TSNARE1: variants seen among roughly 807,000 people sequenced by gnomAD.
The protein encoded by TSNARE1 is t-SNARE domain containing 1, also known as t-SNARE domain-containing protein 1.
Under a neutral mutation model 62.0 loss-of-function variants are expected in TSNARE1, and 49 were observed. The observed-to-expected ratio is 0.79, with a 90% CI of 0.63 to 1.00. The LOEUF is 1.00. Ranked by LOEUF, TSNARE1 falls within the 50% of genes least tolerant of loss-of-function variation. The probability of loss-of-function intolerance (pLI) is 0.00; values close to 1 mark genes in which losing one functional copy is unlikely to be tolerated. For missense variants in TSNARE1, 755 were observed against 700.1 expected (o/e 1.08, Z -0.88); for synonymous variants, 328 against 294.4 (o/e 1.11, Z -1.17).
chr8:142,298,529 G>A (rs1441670152), intron 10 of TSNARE1, among the ~76,000 whole-genome samples: 2 of 152,284 alleles, frequency 1.3e-5, no homozygotes, highest in African/African-American at 4.8e-5. Context: ...TGCCACAGAT[G>A]CTGCTGAGTG....
chr8:142,290,623 G>A (rs1452287682), intron 10 of TSNARE1, among the ~76,000 whole-genome samples: 2 of 152,160 alleles, frequency 1.3e-5, no homozygotes, highest in Non-Finnish European at 2.9e-5. Context: ...CTACAAAGAC[G>A]ACTATTCCAG....
At chr8:142,222,676 CCACTCATCCACTCACT>C (rs778107623) in intron 13 of TSNARE1, among the ~76,000 whole-genome samples, 1,267 of 80,272 alleles carry the variant, frequency 0.016, 74 homozygotes, top group African/African-American at 0.047. Context: ...ACTCACTCAT[CCACTCATCCACTCACT>C]CACTCATCCA....
chr8:142,299,564 G>C (rs998158399), intron 10 of TSNARE1, among the ~76,000 whole-genome samples: 1 of 152,220 alleles, frequency 6.6e-6, no homozygotes, highest in Non-Finnish European at 1.5e-5. Flanking sequence ...TGTGTTCTAT[G>C]TACACTCAGG....
chr8:142,317,741 T>C (rs1828806067), intron 7 of TSNARE1, among the ~76,000 whole-genome samples: 1 of 152,114 alleles, frequency 6.6e-6, no homozygotes, highest in Non-Finnish European at 1.5e-5. Context: ...GAGGATCACT[T>C]GAGGCCGGGA....
chr8:142,238,463 T>C (rs1453335340), intron 12 of TSNARE1, among the ~76,000 whole-genome samples: 1 of 152,056 alleles, frequency 6.6e-6, no homozygotes, highest in Non-Finnish European at 1.5e-5. Flanking sequence ...GGGAGACACA[T>C]TCGACAGACA....
intron 12 of TSNARE1, among the ~76,000 whole-genome samples, chr8:142,234,998 G>A (rs1817334226): frequency 6.6e-6 from 1 of 152,112 alleles, no homozygotes; most frequent in Non-Finnish European, 1.5e-5. Context: ...AGTGCCCCCA[G>A]CAAAAGAATG....
At chr8:142,227,038 C>T (rs1313134726) in intron 13 of TSNARE1, among the ~76,000 whole-genome samples, 1 of 134,824 alleles carries the variant, frequency 7.4e-6, no homozygotes, top group Non-Finnish European at 1.6e-5. Flanking sequence ...TGCACCCACA[C>T]AGCAGTGACA....
At chr8:142,223,090 TCATC>T (rs1308101334) in intron 13 of TSNARE1, among the ~76,000 whole-genome samples, 5 of 145,508 alleles carry the variant, frequency 3.4e-5, no homozygotes, top group East Asian at 4.4e-4. Flanking sequence ...ATTCACTCAT[TCATC>T]CACTCATTCA....
intron 2 of TSNARE1, among the ~76,000 whole-genome samples, chr8:142,347,685 G>A (rs1473282586): frequency 6.7e-6 from 1 of 148,340 alleles, no homozygotes; most frequent in Non-Finnish European, 1.5e-5. Context: ...AAGTCCAGAA[G>A]GACACGCCAT....
intron 9 of TSNARE1, among the ~76,000 whole-genome samples, chr8:142,302,938 C>A (rs1381879698): frequency 2.0e-5 from 3 of 152,042 alleles, no homozygotes; most frequent in Non-Finnish European, 2.9e-5. Flanking sequence ...AGTGAAGGAT[C>A]CTCCGTCAGC....
At chr8:142,342,447 T>C (rs558012431) in intron 4 of TSNARE1, among the ~76,000 whole-genome samples, 5 of 152,250 alleles carry the variant, frequency 3.3e-5, no homozygotes, top group South Asian at 4.1e-4. Flanking sequence ...TCCCAGCCAA[T>C]GTCTTGAGGG....
intron 11 of TSNARE1, 190 bp from the exon 12 acceptor site, chr8:142,275,053 A>C: frequency 1.0e-6 from 1 of 985,340 alleles, no homozygotes; most frequent in Non-Finnish European, 1.2e-6. Flanking sequence ...GGCAGCAATG[A>C]CATTAGAACG....
At chr8:142,327,614 C>T (rs995789959) in intron 6 of TSNARE1, among the ~76,000 whole-genome samples, 1 of 152,232 alleles carries the variant, frequency 6.6e-6, no homozygotes, top group Non-Finnish European at 1.5e-5. Context: ...CACCCCTCTG[C>T]CACAGGGACT....
At chr8:142,286,420 A>G (rs1385902938) in intron 10 of TSNARE1, among the ~76,000 whole-genome samples, 4 of 152,380 alleles carry the variant, frequency 2.6e-5, no homozygotes, top group African/African-American at 9.6e-5. Flanking sequence ...ACTGACACGT[A>G]GTATCAATTG....
chr8:142,220,383 G>A (rs1816155531), intron 13 of TSNARE1, among the ~76,000 whole-genome samples: 2 of 152,208 alleles, frequency 1.3e-5, no homozygotes, highest in Admixed American at 1.3e-4. Flanking sequence ...GCCCTCAGCG[G>A]TGGTCCTCAG....
intron 12 of TSNARE1, among the ~76,000 whole-genome samples, chr8:142,252,185 G>C (rs1179693024): frequency 3.3e-5 from 5 of 152,362 alleles, no homozygotes; most frequent in Admixed American, 2.6e-4. Flanking sequence ...TTGATATCTG[G>C]GCGGTTTGTT....
chr8:142,395,664 A>G (rs1389360675), intron 1 of TSNARE1, among the ~76,000 whole-genome samples: 1 of 152,232 alleles, frequency 6.6e-6, no homozygotes, highest in Non-Finnish European at 1.5e-5. Flanking sequence ...CCCAGGTACC[A>G]CGAAGCAGCA....
At chr8:142,316,178 G>A (rs1828500131) in intron 7 of TSNARE1, among the ~76,000 whole-genome samples, 1 of 148,496 alleles carries the variant, frequency 6.7e-6, no homozygotes, top group East Asian at 2.1e-4. Flanking sequence ...ACCTGAGTCA[G>A]AGAATGGAGA....
Position 142,364,882 on chromosome 8 carries a change from A to G in TSNARE1, c.-39-10119T>C, listed in dbSNP as rs184779316. Among the ~76,000 whole-genome samples, 4 of 152,336 alleles carry G rather than the reference A, an allele frequency of 2.6e-5. No homozygotes were observed. In the East Asian group the frequency reaches 7.7e-4, roughly 29 times the overall value. ...AAGAAGAGCTTTTCTTTAGAGTAGA[A>G]AGCCAGCTAATAACTGTGGAAGGAA... On this transcript the variant is annotated intron_variant, in intron 1 of 13. Coordinates refer to ENST00000524325, the MANE Select transcript of TSNARE1 (RefSeq NM_145003.5).
Sources: allele counts gnomAD v4.1 joint callset (sites outside exome capture counted in the v4.1 genomes callset), GRCh38; gene constraint gnomAD v4.1.1; transcripts MANE v1.5; gene names NCBI Gene and HGNC (gene_info 2026-07-23, HGNC 2026-07-21).